ICAM3: variants seen among roughly 807,000 people sequenced by gnomAD.
ICAM3 encodes intercellular adhesion molecule 3.
In ICAM3, 54 loss-of-function variants were observed where a neutral mutation model predicts 43.6. The ratio of observed to expected loss-of-function variants is 1.24; its 90% CI spans 0.99 to 1.55. The LOEUF (loss-of-function observed/expected upper bound fraction) is 1.55, where lower values mean the gene tolerates loss of function less well. Among genes scored for constraint, ICAM3 ranks in the 40% most tolerant of loss-of-function variants. The pLI, the probability that ICAM3 is intolerant of heterozygous loss-of-function variation, is 0.00. For synonymous variants in ICAM3, 306 were observed against 312.6 expected (o/e 0.98, Z 0.22); for missense variants, 715 against 717.9 (o/e 1.00, Z 0.05).
rs1306000074 is a variant in ICAM3, at chr19:10,334,785, A to G, written c.938-3T>C. On this transcript the variant is annotated splice_region_variant and splice_polypyrimidine_tract_variant and intron_variant, in intron 4 of 6. Transcript: ENST00000160262. This position sits in a 1 kb window ranked among gnomAD's most constrained non-coding sequence, Gnocchi z 5.5. ...GTTCACAATGGGTCCTAGGAAGCCT[A>G]AAGGCGGGGCATTGCCCAGGAGCTT... 6.3e-7 allele frequency: 1 copy of G among 1,579,782 alleles called. No homozygotes were observed. Among genetic ancestry groups the G allele is most frequent in the Non-Finnish European group, 8.6e-7 (1 of 1,159,960 alleles).
chr19:10,335,931 G>A lies in ICAM3; in HGVS notation c.389C>T (p.Pro130Leu), dbSNP rs559108389. The A allele has an allele frequency of 1.2e-5, 19 of 1,582,652 alleles. No homozygotes were observed. The highest frequency in any genetic ancestry group is 1.6e-5 in the Non-Finnish European group (19 of 1,169,850). Residue 130 changes from proline (P) to leucine (L), a missense_variant, in exon 3 of 7, where the codon CCG becomes CTG. Transcript: ENST00000160262. Reference sequence around the variant, plus strand: ...GCGCAGGGTGAAGTTCTGGCCCACCGGCTGCCAAGGAGGCAGGGGTGCCAG... The same window carrying A: ...GCGCAGGGTGAAGTTCTGGCCCACCAGCTGCCAAGGAGGCAGGGGTGCCAG... ...VELAPLPPWQ[P>L]VGQNFTLRCQ... is the part of the protein sequence containing the mutation.
chr19:10,335,660 C>T lies in ICAM3; in HGVS notation c.649+11G>A. The T allele has an allele frequency of 6.3e-7, 1 of 1,592,232 alleles. No homozygotes were observed. On this transcript the variant is annotated intron_variant, in intron 3 of 6. Transcript: ENST00000160262. Reference sequence around the variant, plus strand: ...AGCTCGTCACCCACCGTCTGAAGCCCCTTCTCTCACCAAAGGTTCGGAGCT... The same window carrying T: ...AGCTCGTCACCCACCGTCTGAAGCCTCTTCTCTCACCAAAGGTTCGGAGCT...
chr19:10,335,922 TGGCCCACC>T lies in ICAM3; in HGVS notation c.390_397del (p.Val131GlufsTer180). ...CACTTGGCAGCGCAGGGTGAAGTTCTGGCCCACCGGCTGCCAAGGAGGCAGGGGTGCCA... is the reference window on the plus strand; with the variant it reads ...CACTTGGCAGCGCAGGGTGAAGTTCTGGCTGCCAAGGAGGCAGGGGTGCCA... On this transcript the variant is annotated frameshift_variant, in exon 3 of 7. Transcript: ENST00000160262. LOFTEE classifies it high-confidence loss of function. 1 of 1,587,646 alleles carries T rather than the reference TGGCCCACC, an allele frequency of 6.3e-7. No individual in the cohort carries two copies. The highest frequency in any genetic ancestry group is 8.5e-7 in the Non-Finnish European group (1 of 1,171,880).
rs772574442 is a variant in ICAM3, at chr19:10,339,579, C to A, written c.36G>T (p.Arg12Ser). ...ATMVPSVLWP[R>S]ACWTLLVCCL... ...AGCAGACCAGCAGAGTCCAGCAGGC[C>A]CTGGGCCACAACACGGATGGTACCA... The change falls in exon 1 of 7, where the codon AGG becomes AGT. Residue 12 changes from arginine (R) to serine (S), a missense_variant. Arg to Ser is a moderately radical substitution (Grantham distance 110). Coordinates refer to ENST00000160262, the MANE Select transcript of ICAM3 (RefSeq NM_002162.5). 1.9e-5 allele frequency: 30 copies of A among 1,614,056 alleles called. No individual in the cohort carries two copies. Among genetic ancestry groups the A allele is most frequent in the Non-Finnish European group, 2.5e-5 (30 of 1,179,988 alleles).
chr19:10,335,054 G>C lies in ICAM3; in HGVS notation c.937+12C>G, dbSNP rs1555713563. 1 of 1,607,996 alleles carries C rather than the reference G, an allele frequency of 6.2e-7. No homozygotes were observed. Among genetic ancestry groups the C allele is most frequent in the Admixed American group, 1.7e-5 (1 of 59,824 alleles). ...TGCTGAGGCCGCGCCCCCTTCCCAC[G>C]CCTCCTCTTACTAAAGACCGTCAAG... On this transcript the variant is annotated intron_variant, in intron 4 of 6. Transcript: ENST00000160262.
At position 10,334,390 on chromosome 19, in the gene ICAM3, C is replaced by A; in HGVS notation, c.1211G>T (p.Arg404Leu). The change falls in exon 6 of 7, where the codon CGA becomes CTA. Residue 404 changes from arginine to leucine, a missense_variant. Arg to Leu is a moderately radical substitution (Grantham distance 102). Coordinates refer to ENST00000160262, the MANE Select transcript of ICAM3 (RefSeq NM_002162.5). This position sits in a 1 kb window ranked among gnomAD's most constrained non-coding sequence, Gnocchi z 5.5. ...LRVLYGPKID[R>L]ATCPQHLKWK... ...TTTCAAGTGCTGGGGGCATGTGGCT[C>A]GGTCAATTTTGGGACCATCTGTGGA... 1.2e-6 allele frequency: 2 copies of A among 1,614,090 alleles called. No homozygotes were observed. The highest frequency in any genetic ancestry group is 1.1e-5 in the South Asian group (1 of 91,076).
chr19:10,335,558 C>G (rs2040587534), intron 3 of ICAM3, 113 bp downstream of exon 3: 5 of 1,240,454 alleles, frequency 4.0e-6, no homozygotes, highest in Middle Eastern at 1.9e-4. Flanking sequence ...CGGGGGCTTT[C>G]CTTCCCAGAA....
Position 10,338,133 on chromosome 19 carries a change from G to T in ICAM3, c.343+549C>A, listed in dbSNP as rs137926345. ...AAAAAGCTTGTTGGGGCCGGGCGCAGTGGCCCATGCCTGTAATCCCAGCAC... is the reference window on the plus strand; with the variant it reads ...AAAAAGCTTGTTGGGGCCGGGCGCATTGGCCCATGCCTGTAATCCCAGCAC... On this transcript the variant is annotated intron_variant, in intron 2 of 6. Transcript: ENST00000160262. Among the ~76,000 whole-genome samples, 836 of 150,610 alleles carry T rather than the reference G, an allele frequency of 5.6e-3. 8 individuals carry two copies. The highest frequency in any genetic ancestry group is 0.019 in the African/African-American group (776 of 40,902).
rs746276448 is a variant in ICAM3 at position 10,334,008 on chromosome 19, C to T, written c.1493G>A (p.Gly498Asp). 1 of 1,614,142 alleles carries T rather than the reference C, an allele frequency of 6.2e-7. No individual in the cohort carries two copies. Among genetic ancestry groups the T allele is most frequent in the Non-Finnish European group, 8.5e-7 (1 of 1,180,038 alleles). The part of the protein sequence containing the change: ...PVFVAVLLTL[G>D]VVTIVLALMY... ...TAAGGCCAGTACGATAGTCACCACG[C>T]CCAGGGTCAGTAACACCGCCACGAA... The change falls in exon 7 of 7, where the codon GGC (glycine) becomes GAC (aspartate). Residue 498 changes from glycine to aspartate, a missense_variant. Transcript: ENST00000160262. This position sits in a 1 kb window ranked among gnomAD's most constrained non-coding sequence, Gnocchi z 5.5.
Position 10,334,893 on chromosome 19 carries a change from C to A in ICAM3, c.938-111G>T. On this transcript the variant is annotated intron_variant, in intron 4 of 6. Coordinates refer to ENST00000160262, the MANE Select transcript of ICAM3 (RefSeq NM_002162.5). The surrounding 1 kb of genome is among the most constrained non-coding windows in gnomAD (Gnocchi z 5.5). ...GGGATATCCGGGCCACGCTTTCGGCCGTTCAAGCCTCGCCCTCTTTCCGCG... is the reference window on the plus strand; with the variant it reads ...GGGATATCCGGGCCACGCTTTCGGCAGTTCAAGCCTCGCCCTCTTTCCGCG... 1.4e-6 allele frequency: 2 copies of A among 1,462,444 alleles called. No individual in the cohort carries two copies. Among genetic ancestry groups the A allele is most frequent in the Non-Finnish European group, 1.8e-6 (2 of 1,091,736 alleles). 90.6% of individuals were successfully genotyped at this position (1,462,444 alleles called of 1,614,324 possible).
chr19:10,337,786 G>A (rs552304165), intron 2 of ICAM3, among the ~76,000 whole-genome samples: 1 of 152,138 alleles, frequency 6.6e-6, no homozygotes, highest in Non-Finnish European at 1.5e-5. Context: ...ACCATGCCCA[G>A]CTAATATTTT....
At position 10,334,084 on chromosome 19, in the gene ICAM3, A is replaced by G; in HGVS notation, c.1442-25T>C. Reference sequence around the variant, plus strand: ...GCTGTGCAGAGAAAGCGCTAAGTCAATATGCGTCCCTTCTGTCTCCAACCC... The same window carrying G: ...GCTGTGCAGAGAAAGCGCTAAGTCAGTATGCGTCCCTTCTGTCTCCAACCC... On this transcript the variant is annotated intron_variant, in intron 6 of 6. Transcript: ENST00000160262. This position sits in a 1 kb window ranked among gnomAD's most constrained non-coding sequence, Gnocchi z 5.5. The G allele has an allele frequency of 6.2e-7, 1 of 1,612,176 alleles. No individual in the cohort carries two copies. Among genetic ancestry groups the G allele is most frequent in the East Asian group, 2.2e-5 (1 of 44,822 alleles).
At chr19:10,338,979 G>A (rs1417155803) in intron 1 of ICAM3, 31 bp from the exon 2 acceptor site, 1 of 1,606,562 alleles carries the variant, frequency 6.2e-7, no homozygotes, top group South Asian at 1.1e-5. Context: ...CCTGGTGTTT[G>A]TTTCCTTGTC....
chr19:10,335,918 G>T lies in ICAM3; in HGVS notation c.402C>A (p.Asn134Lys), dbSNP rs763128013. ...CCTCCACTTGGCAGCGCAGGGTGAA[G>T]TTCTGGCCCACCGGCTGCCAAGGAG... The part of the protein sequence containing the change: ...PLPPWQPVGQ[N>K]FTLRCQVEDG... Residue 134 changes from asparagine (N) to lysine (K), a missense_variant, in exon 3 of 7, where the codon AAC (asparagine) becomes AAA (lysine). Physicochemically the swap from Asn to Lys is moderately conservative, Grantham distance 94. Transcript: ENST00000160262. 1.0e-5 allele frequency: 16 copies of T among 1,590,334 alleles called. No individual in the cohort carries two copies. Among genetic ancestry groups the T allele is most frequent in the Non-Finnish European group, 8.5e-6 (10 of 1,173,046 alleles).
chr19:10,337,477 A>C (rs1194744563), intron 2 of ICAM3, among the ~76,000 whole-genome samples: 1 of 117,520 alleles, frequency 8.5e-6, no homozygotes. Context: ...AATCCCAGCT[A>C]CTGGAGAGAC....
intron 2 of ICAM3, among the ~76,000 whole-genome samples, chr19:10,338,112 A>G (rs1022472416): frequency 1.7e-4 from 25 of 144,644 alleles, no homozygotes; most frequent in Non-Finnish European, 6.0e-5. Flanking sequence ...AAAAAAAAAA[A>G]GCTTGTTGGG....
intron 2 of ICAM3, among the ~76,000 whole-genome samples, chr19:10,338,155 G>A (rs2040618031): frequency 6.6e-6 from 1 of 151,022 alleles, no homozygotes; most frequent in South Asian, 2.1e-4. Flanking sequence ...TGTAATCCCA[G>A]CACTTTGGGA....
At position 10,334,648 on chromosome 19, in the gene ICAM3, C is replaced by G; in HGVS notation, c.1072G>C (p.Ala358Pro). 1 of 1,613,494 alleles carries G rather than the reference C, an allele frequency of 6.2e-7. No homozygotes were observed. The highest frequency in any genetic ancestry group is 8.5e-7 in the Non-Finnish European group (1 of 1,180,014). The change falls in exon 5 of 7, where the codon GCT (alanine) becomes CCT (proline). Residue 358 changes from alanine to proline, a missense_variant. Transcript: ENST00000160262. The surrounding 1 kb of genome is among the most constrained non-coding windows in gnomAD (Gnocchi z 5.5). Reference sequence around the variant, plus strand: ...TCGGTAGCATTTAGCTGAAGTTGAGCTGGCTGCCCCGGGGCCGCGGCCGGA... The same window carrying G: ...TCGGTAGCATTTAGCTGAAGTTGAGGTGGCTGCCCCGGGGCCGCGGCCGGA... ...GVPAAAPGQP[A>P]QLQLNATESD...
chr19:10,338,836 G>A lies in ICAM3; in HGVS notation c.189C>T (p.Ile63=), dbSNP rs779579060. ...CCTTTGATAGGGACGTCTCCAAGGC[G>A]ATTTTCTCAGAGCTGGGACAATCAG... ...CSTDCPSSEK[I]ALETSLSKEL... The change falls in exon 2 of 7, where the codon ATC becomes ATT. Residue 63 remains isoleucine, a synonymous_variant. Coordinates refer to ENST00000160262, the MANE Select transcript of ICAM3 (RefSeq NM_002162.5). 5.0e-6 allele frequency: 8 copies of A among 1,614,030 alleles called. No individual in the cohort carries two copies. The East Asian group carries it at 6.7e-5, about 13-fold the overall frequency.
Sources: gnomAD v4.1 joint callset for allele counts (sites outside exome capture counted in the v4.1 genomes callset) on GRCh38, gnomAD v4.1.1 for gene constraint, Gnocchi (gnomAD v3.1) non-coding constraint, MANE v1.5 for transcripts, NCBI Gene and HGNC (gene_info 2026-07-23, HGNC 2026-07-21) for gene names.